NDST3: variants seen among roughly 807,000 people sequenced by gnomAD.
The protein encoded by NDST3 is bifunctional heparan sulfate N-deacetylase/N-sulfotransferase 3.
A neutral mutation model predicts 96.1 loss-of-function variants in NDST3; 58 were observed. The ratio of observed to expected loss-of-function variants is 0.60; its 90% confidence interval spans 0.49 to 0.75. NDST3 has a LOEUF of 0.75. Among genes scored for constraint, NDST3 ranks in the 30% least tolerant of loss-of-function variants. The pLI is 0.00. For synonymous variants in NDST3, 333 were observed against 359.7 expected (o/e 0.93, Z 0.84); for missense variants, 788 against 1,034.2 (o/e 0.76, Z 3.27).
intron 4 of NDST3, among the ~76,000 whole-genome samples, chr4:118,126,077 A>G (rs1178438085): frequency 3.3e-5 from 5 of 152,056 alleles, no homozygotes; most frequent in African/African-American, 1.2e-4. Flanking sequence ...TATAAGCTGA[A>G]TTGTGGTGTA....
intron 8 of NDST3, among the ~76,000 whole-genome samples, chr4:118,231,091 T>C (rs111435465): frequency 0.015 from 2,339 of 152,232 alleles, 63 homozygotes; most frequent in African/African-American, 0.053. Flanking sequence ...ATCCCAGCAC[T>C]TTGGGAGGCT....
chr4:118,111,101 T>C (rs1730598320), intron 3 of NDST3, among the ~76,000 whole-genome samples: 1 of 152,156 alleles, frequency 6.6e-6, no homozygotes, highest in Admixed American at 6.5e-5. Context: ...CATTTATAAG[T>C]GAGAACTAAA....
At chr4:118,243,061 T>A (rs1741103431) in intron 12 of NDST3, among the ~76,000 whole-genome samples, 1 of 152,214 alleles carries the variant, frequency 6.6e-6, no homozygotes, top group Non-Finnish European at 1.5e-5. Flanking sequence ...TTGGATTGGG[T>A]CATGGACCTG....
intron 9 of NDST3, among the ~76,000 whole-genome samples, chr4:118,233,503 C>T (rs1740445194): frequency 6.6e-6 from 1 of 151,876 alleles, no homozygotes; most frequent in African/African-American, 2.4e-5. Flanking sequence ...TGAAGTGATG[C>T]TACAGCCAAC....
At chr4:118,199,662 T>C (rs886803049) in intron 6 of NDST3, among the ~76,000 whole-genome samples, 4 of 152,178 alleles carry the variant, frequency 2.6e-5, no homozygotes, top group African/African-American at 9.7e-5. Flanking sequence ...AGGTATTTAT[T>C]GTAGTCTTTG....
chr4:118,049,736 A>T (rs1351256246), intron 1 of NDST3, among the ~76,000 whole-genome samples: 2 of 151,212 alleles, frequency 1.3e-5, no homozygotes, highest in South Asian at 2.1e-4. Flanking sequence ...TAATAATAAA[A>T]AAAAAAAACC....
At chr4:118,245,699 G>C (rs914761094) in intron 12 of NDST3, among the ~76,000 whole-genome samples, 3 of 151,866 alleles carry the variant, frequency 2.0e-5, no homozygotes, top group African/African-American at 7.2e-5. Context: ...GTAGGGAAAA[G>C]AAAAAAATAG....
In NDST3 at chr4:118,240,639, C is replaced by T. The variant is rs776638744; in HGVS notation, c.2234C>T (p.Pro745Leu). 8.1e-6 allele frequency: 13 copies of T among 1,613,694 alleles called. No individual in the cohort carries two copies. The highest frequency in any genetic ancestry group is 1.1e-5 in the Non-Finnish European group (13 of 1,179,910). ...LRALQKRCLV[P>L]GWYASHIERW... ...GCCTTGCAGAAGAGATGTTTGGTCC[C>T]GGGGTGGTATGCCAGCCACATCGAG... Residue 745 changes from proline to leucine, a missense_variant, in exon 11 of 14, where the codon CCG (proline) becomes CTG (leucine). Pro to Leu is a moderately conservative substitution (Grantham distance 98). Coordinates refer to ENST00000296499, the MANE Select transcript of NDST3 (RefSeq NM_004784.3).
chr4:118,041,740 G>A (rs1158935063), intron 1 of NDST3, among the ~76,000 whole-genome samples: 4 of 152,116 alleles, frequency 2.6e-5, no homozygotes, highest in African/African-American at 9.7e-5. Flanking sequence ...AGCATTTCAC[G>A]AACATATTCA....
intron 6 of NDST3, among the ~76,000 whole-genome samples, chr4:118,195,717 T>G (rs571073237): frequency 6.6e-6 from 1 of 152,370 alleles, no homozygotes; most frequent in African/African-American, 2.4e-5. Context: ...ATCCTGCAAC[T>G]TTACAAAATT....
intron 2 of NDST3, among the ~76,000 whole-genome samples, chr4:118,063,500 A>G (rs1010802055): frequency 2.6e-5 from 4 of 152,164 alleles, no homozygotes; most frequent in African/African-American, 9.7e-5. Flanking sequence ...TTACTGGATT[A>G]TGTCCTTCTC....
At chr4:118,050,684 T>C (rs554379718) in intron 1 of NDST3, among the ~76,000 whole-genome samples, 32 of 152,076 alleles carry the variant, frequency 2.1e-4, no homozygotes, top group African/African-American at 7.7e-4. Context: ...AAAAGATCTG[T>C]ACAAGGAGAA....
In NDST3 at chr4:118,255,919, A is replaced by G. The variant is rs1742094224; in HGVS notation, c.*207A>G. 4.6e-6 allele frequency: 2 copies of G among 437,244 alleles called. No homozygotes were observed. Among genetic ancestry groups the G allele is most frequent in the Non-Finnish European group, 7.9e-6 (2 of 254,554 alleles). The allele number at this position is 437,244 out of a possible 1,614,324, so 27.1% of individuals were successfully genotyped here. ...AGGCCTGTGGCCTTTCTCTTAACCC[A>G]TATCTGAGCCTGTGGGATTATTGTA... On this transcript the variant is annotated 3_prime_UTR_variant, in exon 14 of 14. Coordinates refer to ENST00000296499, the MANE Select transcript of NDST3 (RefSeq NM_004784.3).
At position 118,054,547 on chromosome 4, in the gene NDST3, G is replaced by C. The variant is rs202206338; in HGVS notation, c.637G>C (p.Gly213Arg). Residue 213 changes from glycine (G) to arginine (R), a missense_variant, in exon 2 of 14, where the codon GGT (glycine) becomes CGT (arginine). Physicochemically the swap from Gly to Arg is moderately radical, Grantham distance 125. Around this residue, in one of 3 missense-constraint regions of NDST3, gnomAD observed 234 missense variants for 256.9 expected, o/e 0.91. Coordinates refer to ENST00000296499, the MANE Select transcript of NDST3 (RefSeq NM_004784.3). ...RVTKSSKLEK[G>R]SLPGTDWTVF... ...GACCAAATCTTCCAAGCTTGAAAAA[G>C]GTTCTTTACCTGGAACTGACTGGAC... is the stretch of plus-strand genomic sequence containing the variant. The C allele has an allele frequency of 2.2e-5, 35 of 1,613,218 alleles. No individual in the cohort carries two copies. Among genetic ancestry groups the C allele is most frequent in the African/African-American group, 4.0e-5 (3 of 74,960 alleles).
intron 2 of NDST3, among the ~76,000 whole-genome samples, chr4:118,104,469 A>G: frequency 6.6e-6 from 1 of 152,226 alleles, no homozygotes; most frequent in East Asian, 1.9e-4. Context: ...TATCAGAAGT[A>G]GGATATTTTA....
chr4:118,165,960 CAG>C (rs1735519312), intron 6 of NDST3, among the ~76,000 whole-genome samples: 3 of 150,842 alleles, frequency 2.0e-5, no homozygotes, highest in South Asian at 4.2e-4. Flanking sequence ...TTTTTAAAAA[CAG>C]AAAGAATTAA....
intron 6 of NDST3, among the ~76,000 whole-genome samples, chr4:118,202,412 T>C (rs1738148623): frequency 6.6e-6 from 1 of 152,232 alleles, no homozygotes; most frequent in South Asian, 2.1e-4. Flanking sequence ...CTTTGGACAG[T>C]ATGGCCATTT....
chr4:118,047,512 T>C (rs1443563212), intron 1 of NDST3, among the ~76,000 whole-genome samples: 1 of 152,118 alleles, frequency 6.6e-6, no homozygotes, highest in Non-Finnish European at 1.5e-5. Flanking sequence ...ATTTATACTA[T>C]CCAAGAGATG....
At chr4:118,093,469 C>T (rs1729044772) in intron 2 of NDST3, among the ~76,000 whole-genome samples, 2 of 151,916 alleles carry the variant, frequency 1.3e-5, no homozygotes, top group South Asian at 4.1e-4. Flanking sequence ...TATTATTGAA[C>T]ATCAGTGATG....
Sources: allele counts gnomAD v4.1 joint callset (sites outside exome capture counted in the v4.1 genomes callset), GRCh38; gene constraint gnomAD v4.1.1; regional missense constraint gnomAD v4.1.1; transcripts MANE v1.5; gene names NCBI Gene and HGNC (gene_info 2026-07-23, HGNC 2026-07-21).